The following EPB41L3 variants were observed in gnomAD, a reference collection of about 807,000 sequenced individuals.
EPB41L3 encodes the protein band 4.1-like protein 3.
A neutral mutation model predicts 127.1 loss-of-function variants in EPB41L3; 57 were observed. The ratio of observed to expected loss-of-function variants is 0.45; its 90% CI spans 0.36 to 0.56. The LOEUF is 0.56. Among genes scored for constraint, EPB41L3 ranks in the 20% least tolerant of loss-of-function variants. EPB41L3 has a pLI of 0.00. For missense variants in EPB41L3, 1,273 were observed against 1,372.2 expected (o/e 0.93, Z 1.14); for synonymous variants, 572 against 549.5 (o/e 1.04, Z -0.57).
intron 1 of EPB41L3, among the ~76,000 whole-genome samples, chr18:5,498,066 C>G (rs967156596): frequency 1.3e-4 from 20 of 152,284 alleles, no homozygotes; most frequent in African/African-American, 4.8e-4. Flanking sequence ...CTGCCTTGCC[C>G]TGGGTTGGAC....
intron 1 of EPB41L3, among the ~76,000 whole-genome samples, chr18:5,497,955 C>T (rs953372121): frequency 3.9e-5 from 6 of 152,136 alleles, no homozygotes; most frequent in African/African-American, 1.4e-4. Flanking sequence ...AAAATTTTAA[C>T]GTGACTATCA....
At chr18:5,549,428 C>T (rs1353374311) in intron 3 of EPB41L3, among the ~76,000 whole-genome samples, 1 of 152,202 alleles carries the variant, frequency 6.6e-6, no homozygotes, top group African/African-American at 2.4e-5. Context: ...GCTACTAACA[C>T]TTTCCTATGC....
At chr18:5,575,647 G>T (rs1395277097) in intron 3 of EPB41L3, among the ~76,000 whole-genome samples, 9 of 152,082 alleles carry the variant, frequency 5.9e-5, no homozygotes, top group Non-Finnish European at 1.3e-4. Context: ...GACCAGCCTG[G>T]CCAACATGGT....
chr18:5,433,462 T>C lies in EPB41L3; in HGVS notation c.912+7A>G. ...ATTGAAAGTTTAGGGTTTAAAAAGA[T>C]GCATACCTTAGCATGATGTAAATCT... On this transcript the variant is annotated splice_region_variant and intron_variant, in intron 8 of 22. Transcript: ENST00000341928. The C allele has an allele frequency of 2.5e-6, 4 of 1,601,900 alleles. No individual in the cohort carries two copies. The highest frequency in any genetic ancestry group is 3.4e-6 in the Non-Finnish European group (4 of 1,170,046).
intron 1 of EPB41L3, among the ~76,000 whole-genome samples, chr18:5,541,064 G>A (rs1168281523): frequency 8.2e-6 from 1 of 122,664 alleles, no homozygotes; most frequent in African/African-American, 3.0e-5. Flanking sequence ...CAGCCTGGGC[G>A]ACAGAGCGAG....
chr18:5,578,628 T>A (rs112431550), intron 3 of EPB41L3, among the ~76,000 whole-genome samples: 8 of 152,108 alleles, frequency 5.3e-5, no homozygotes, highest in Non-Finnish European at 1.0e-4. Flanking sequence ...GGAAAGCACA[T>A]CATGCCCATA....
At chr18:5,577,316 TC>T in intron 3 of EPB41L3, 1 of 452,026 alleles carries the variant, frequency 2.2e-6, no homozygotes, top group South Asian at 1.6e-5. Flanking sequence ...ATGTTAGCAA[TC>T]CGAAAATTTT....
intron 3 of EPB41L3, among the ~76,000 whole-genome samples, chr18:5,601,561 C>G (rs1785419): frequency 0.98 from 149,312 of 152,234 alleles, 73,274 homozygotes; most frequent in East Asian, 1. Flanking sequence ...GCAAGACAAA[C>G]TTCTGCTGAC....
intron 3 of EPB41L3, among the ~76,000 whole-genome samples, chr18:5,593,745 AC>A (rs1174299786): frequency 6.6e-6 from 1 of 152,080 alleles, no homozygotes. Flanking sequence ...AAATGGCCAC[AC>A]CCAAGGGGGC....
At chr18:5,514,819 T>C (rs2092687921) in intron 1 of EPB41L3, among the ~76,000 whole-genome samples, 1 of 152,196 alleles carries the variant, frequency 6.6e-6, no homozygotes, top group South Asian at 2.1e-4. Context: ...CTAGAATCCA[T>C]TAGTGCTGAC....
At chr18:5,576,642 CG>C (rs2094339050) in intron 3 of EPB41L3, among the ~76,000 whole-genome samples, 3 of 152,302 alleles carry the variant, frequency 2.0e-5, no homozygotes, top group Admixed American at 2.0e-4. Flanking sequence ...GAGACCCATA[CG>C]TAAGACTCTG....
At chr18:5,613,596 A>T (rs190605044) in intron 2 of EPB41L3, among the ~76,000 whole-genome samples, 2 of 152,176 alleles carry the variant, frequency 1.3e-5, no homozygotes, top group African/African-American at 4.8e-5. Flanking sequence ...GGGACCCGTG[A>T]GGTCAAAGCC....
intron 3 of EPB41L3, among the ~76,000 whole-genome samples, chr18:5,609,319 C>A (rs554556407): frequency 2.8e-4 from 42 of 152,086 alleles, no homozygotes; most frequent in Admixed American, 1.3e-4. Context: ...ACCAATCAAA[C>A]GCTTTACCTA....
intron 6 of EPB41L3, 129 bp from the exon 7 acceptor site, chr18:5,434,250 C>A (rs748985322): frequency 3.0e-6 from 2 of 666,802 alleles, no homozygotes; most frequent in South Asian, 1.9e-5. Context: ...AATTTTCTAG[C>A]GTCTATATAT....
In EPB41L3 at chr18:5,575,877, A is replaced by G. The variant is rs146125468; in HGVS notation, c.-306+36463T>C. ...AATACAGCCTGCAGAACTGTGAGCCAAATAAGCCTCTCTTCTTTATAAATT... is the reference window on the plus strand; with the variant it reads ...AATACAGCCTGCAGAACTGTGAGCCGAATAAGCCTCTCTTCTTTATAAATT... On this transcript the variant is annotated intron_variant, in intron 3 of 21. Transcript: ENST00000545076. 6.6e-5 allele frequency among the ~76,000 whole-genome samples: 10 copies of G among 152,314 alleles called. No homozygotes were observed. The East Asian group carries it at 1.7e-3, about 26-fold the overall frequency.
chr18:5,507,499 G>A (rs2092284327), intron 1 of EPB41L3, among the ~76,000 whole-genome samples: 1 of 152,160 alleles, frequency 6.6e-6, no homozygotes, highest in African/African-American at 2.4e-5. Flanking sequence ...TATGTTCAGA[G>A]TTAGCTGTGT....
upstream of EPB41L3, among the ~76,000 whole-genome samples, chr18:5,629,246 G>T (rs959342080): frequency 1.3e-5 from 2 of 151,934 alleles, no homozygotes; most frequent in Admixed American, 6.5e-5. Flanking sequence ...GGTCGTGGGG[G>T]TACCGGGAGC....
intron 3 of EPB41L3, among the ~76,000 whole-genome samples, chr18:5,557,639 C>T (rs911281105): frequency 1.5e-5 from 2 of 135,612 alleles, no homozygotes; most frequent in East Asian, 3.9e-4. Context: ...CCCCTGTCGG[C>T]CTCCCAAAGT....
In EPB41L3 at chr18:5,438,093, A is replaced by G. The variant is rs1205467303; in HGVS notation, c.547T>C (p.Ser183Pro). The G allele has an allele frequency of 6.2e-7, 1 of 1,613,762 alleles. No homozygotes were observed. The highest frequency in any genetic ancestry group is 8.5e-7 in the Non-Finnish European group (1 of 1,179,920). ...KQVRSGAWHFSFNVKFYPPDP... is the reference protein window; with the variant it reads ...KQVRSGAWHFPFNVKFYPPDP... Reference sequence around the variant, plus strand: ...GGTGGATAAAATTTCACATTAAATGAAAAGTGCCAAGCACCACCTGCAAGG... The same window carrying G: ...GGTGGATAAAATTTCACATTAAATGGAAAGTGCCAAGCACCACCTGCAAGG... The change falls in exon 6 of 23, where the codon TCA becomes CCA. Residue 183 changes from serine to proline, a missense_variant. Physicochemically the swap from Ser to Pro is moderately conservative, Grantham distance 74. This residue lies in a region of EPB41L3 where 326 missense variants were observed against 440.2 expected (regional missense o/e 0.74). Coordinates refer to ENST00000341928, the MANE Select transcript of EPB41L3 (RefSeq NM_012307.5).
Sources: gnomAD v4.1 joint callset for allele counts (sites outside exome capture counted in the v4.1 genomes callset) on GRCh38, gnomAD v4.1.1 for gene constraint, gnomAD v4.1.1 regional missense constraint, MANE v1.5 for transcripts, NCBI Gene and HGNC (gene_info 2026-07-23, HGNC 2026-07-21) for gene names.